Variants in BLK observed in about 807,000 individuals in gnomAD.
BLK encodes BLK proto-oncogene, Src family tyrosine kinase, also known as tyrosine-protein kinase Blk.
In BLK, 64 loss-of-function variants were observed where a neutral mutation model predicts 61.8. That is an observed-to-expected ratio of 1.03 (90% CI 0.85 to 1.27). The LOEUF is 1.27. Ranked by LOEUF, BLK falls within the 50% of genes most tolerant of loss-of-function variation. The pLI is 0.00. For missense variants in BLK, 853 were observed against 660.5 expected (o/e 1.29, Z -3.19); for synonymous variants, 351 against 272.0 (o/e 1.29, Z -2.86).
intron 1 of BLK, among the ~76,000 whole-genome samples, chr8:11,541,064 G>A (rs1417455691): frequency 6.6e-6 from 1 of 152,148 alleles, no homozygotes; most frequent in South Asian, 2.1e-4. Context: ...TCTGGAGTTT[G>A]AGACCAGCCT....
At chr8:11,562,038 C>G (rs1040249194) in intron 11 of BLK, among the ~76,000 whole-genome samples, 2 of 152,064 alleles carry the variant, frequency 1.3e-5, no homozygotes, top group Non-Finnish European at 2.9e-5. Context: ...AGGCTGGTCT[C>G]GAACTCCTGA....
intron 1 of BLK, among the ~76,000 whole-genome samples, chr8:11,522,327 C>A (rs1799485653): frequency 6.6e-6 from 1 of 152,194 alleles, no homozygotes; most frequent in East Asian, 1.9e-4. Flanking sequence ...AATTTATTAC[C>A]TATTCCACTA....
chr8:11,528,385 A>T (rs1333959740), intron 1 of BLK, among the ~76,000 whole-genome samples: 1 of 152,224 alleles, frequency 6.6e-6, no homozygotes, highest in African/African-American at 2.4e-5. Context: ...TTCCAAAGTT[A>T]CTTTGGTTTA....
At chr8:11,547,973 AG>A in intron 3 of BLK, 58 bp from the exon 4 acceptor site, 1 of 1,464,314 alleles carries the variant, frequency 6.8e-7, no homozygotes, top group East Asian at 2.3e-5. Context: ...GGCTCACCCC[AG>A]CCCCACCTTC....
chr8:11,539,863 C>G (rs370077597), intron 1 of BLK, among the ~76,000 whole-genome samples: 15 of 152,274 alleles, frequency 9.9e-5, no homozygotes, highest in African/African-American at 3.1e-4. Context: ...TATTTCTTAT[C>G]TTTACACATT....
chr8:11,549,185 G>T, intron 5 of BLK, 63 bp downstream of exon 5: 1 of 1,454,038 alleles, frequency 6.9e-7, no homozygotes, highest in Middle Eastern at 1.7e-4. Context: ...TCCCTGGGCT[G>T]TTAGGCAGGG....
At chr8:11,555,735 C>T in intron 8 of BLK, 2 of 591,540 alleles carry the variant, frequency 3.4e-6, no homozygotes, top group South Asian at 3.7e-5. Flanking sequence ...CGAAGTCGCT[C>T]CCTCCTTCGT....
chr8:11,542,014 C>T (rs1401462957), intron 1 of BLK, among the ~76,000 whole-genome samples: 3 of 152,128 alleles, frequency 2.0e-5, no homozygotes, highest in Admixed American at 6.5e-5. Context: ...GTGAATTTTT[C>T]GCTTCTGTGG....
chr8:11,525,905 C>T (rs369915018), intron 1 of BLK, among the ~76,000 whole-genome samples: 6 of 152,070 alleles, frequency 3.9e-5, no homozygotes, highest in South Asian at 2.1e-4. Flanking sequence ...CCACCATGTC[C>T]GGCTGATTTT....
chr8:11,554,788 T>A lies in BLK; in HGVS notation c.518T>A (p.Leu173Gln), dbSNP rs1182075203. The change falls in exon 7 of 13, where the codon CTG (leucine) becomes CAG (glutamine). Residue 173 changes from leucine (L) to glutamine (Q), a missense_variant. Transcript: ENST00000259089. The part of the protein sequence containing the change: ...SVKDVTTQGE[L>Q]IKHYKIRCLD... ...AAGGATGTCACCACCCAGGGGGAGC[T>A]GATCAAGCACTATAAGATCCGCTGC... The A allele has an allele frequency of 9.9e-6, 16 of 1,613,914 alleles. No individual in the cohort carries two copies. Among genetic ancestry groups the A allele is most frequent in the Non-Finnish European group, 1.4e-5 (16 of 1,180,026 alleles).
intron 6 of BLK, among the ~76,000 whole-genome samples, chr8:11,550,495 GGGT>G (rs1279801629): frequency 1.3e-5 from 2 of 152,254 alleles, no homozygotes; most frequent in African/African-American, 2.4e-5. Flanking sequence ...GGGTGGACAG[GGGT>G]GGTCCCACGC....
At chr8:11,512,752 C>G (rs573239628) in intron 1 of BLK, among the ~76,000 whole-genome samples, 1 of 152,324 alleles carries the variant, frequency 6.6e-6, no homozygotes, top group African/African-American at 2.4e-5. Flanking sequence ...CAACCTCCCC[C>G]TCCTGGGTTC....
intron 1 of BLK, among the ~76,000 whole-genome samples, chr8:11,529,723 T>C (rs1799811790): frequency 6.6e-6 from 1 of 152,208 alleles, no homozygotes; most frequent in East Asian, 1.9e-4. Context: ...ATAAATTAAC[T>C]TCTTCCCAAA....
At chr8:11,498,187 C>G (rs922870209) in intron 1 of BLK, among the ~76,000 whole-genome samples, 7 of 152,196 alleles carry the variant, frequency 4.6e-5, no homozygotes, top group African/African-American at 1.7e-4. Context: ...CAAGACACAC[C>G]TGGGATGCAA....
At position 11,550,602 on chromosome 8, in the gene BLK, G is replaced by T. The variant is rs73195289; in HGVS notation, c.472+340G>T. Among the ~76,000 whole-genome samples the T allele has an allele frequency of 2.0e-3, 306 of 152,324 alleles. 2 individuals are homozygous for T. Among genetic ancestry groups the T allele is most frequent in the African/African-American group, 7.0e-3 (293 of 41,580 alleles). Reference sequence around the variant, plus strand: ...GAGCCCTTAACCACCAGCCTCTTTGGAATCAAGGATTAGGGGGAGCTCAAA... The same window carrying T: ...GAGCCCTTAACCACCAGCCTCTTTGTAATCAAGGATTAGGGGGAGCTCAAA... On this transcript the variant is annotated intron_variant, in intron 6 of 12. Transcript: ENST00000259089.
At chr8:11,513,713 G>A (rs1279316046) in intron 1 of BLK, among the ~76,000 whole-genome samples, 1 of 152,228 alleles carries the variant, frequency 6.6e-6, no homozygotes, top group Non-Finnish European at 1.5e-5. Context: ...CATTCCCAAA[G>A]TGCCTTCTAA....
intron 10 of BLK, chr8:11,559,736 C>G (rs751552217): frequency 4.4e-6 from 2 of 456,068 alleles, no homozygotes; most frequent in Non-Finnish European, 8.8e-6. Flanking sequence ...CCCCATGCCT[C>G]GCCACCCCTC....
intron 1 of BLK, among the ~76,000 whole-genome samples, chr8:11,534,614 T>A (rs1585372993): frequency 1.3e-5 from 2 of 152,348 alleles, no homozygotes; most frequent in Non-Finnish European, 2.9e-5. Context: ...CTGAAAATCT[T>A]TTCTATCAAT....
chr8:11,527,136 G>A (rs187917607), intron 1 of BLK, among the ~76,000 whole-genome samples: 80 of 152,186 alleles, frequency 5.3e-4, no homozygotes, highest in African/African-American at 1.6e-3. Context: ...TAATGTGGAC[G>A]TCTAGACAGC....
Sources: gnomAD v4.1 joint callset for allele counts (sites outside exome capture counted in the v4.1 genomes callset) on GRCh38, gnomAD v4.1.1 for gene constraint, MANE v1.5 for transcripts, NCBI Gene and HGNC (gene_info 2026-07-23, HGNC 2026-07-21) for gene names.